CDHR2: variants seen among roughly 807,000 people sequenced by gnomAD.
CDHR2 encodes the protein cadherin-related family member 2.
In CDHR2, 104 loss-of-function variants were observed where a neutral mutation model predicts 138.6. The observed-to-expected ratio is 0.75, with a 90% CI of 0.64 to 0.88. CDHR2 has a LOEUF of 0.88. Among genes scored for constraint, CDHR2 ranks in the 40% least tolerant of loss-of-function variants. CDHR2 has a pLI of 0.00. For missense variants in CDHR2, 1,624 were observed against 1,727.6 expected (o/e 0.94, Z 1.06); for synonymous variants, 755 against 742.8 (o/e 1.02, Z -0.27).
rs1229955737 is a variant in CDHR2 at position 176,576,067 on chromosome 5, C to T, written c.1076C>T (p.Pro359Leu). ...HKPEFYNCSL[P>L]ACTFTPEEAQ... ...CCTGAGTTTTACAACTGCAGCCTCC[C>T]AGCCTGCACCTTCACCCCCGAAGAG... The change falls in exon 12 of 32, where the codon CCA (proline) becomes CTA (leucine). Residue 359 changes from proline to leucine, a missense_variant. Physicochemically the swap from Pro to Leu is moderately conservative, Grantham distance 98. Coordinates refer to ENST00000261944, the MANE Select transcript of CDHR2 (RefSeq NM_017675.6). This position sits in a 1 kb window ranked among gnomAD's most constrained non-coding sequence, Gnocchi z 4.5. The T allele has an allele frequency of 3.7e-6, 6 of 1,613,874 alleles. No homozygotes were observed. In the African/African-American group the frequency reaches 5.3e-5, roughly 14 times the overall value.
In CDHR2 at chr5:176,571,526, A is replaced by G. The variant is rs146185260; in HGVS notation, c.405+224A>G. Among the ~76,000 whole-genome samples the G allele has an allele frequency of 2.0e-3, 309 of 152,028 alleles. 1 individual carries two copies. The highest frequency in any genetic ancestry group is 7.0e-3 in the African/African-American group (290 of 41,488). On this transcript the variant is annotated intron_variant, in intron 6 of 31. Coordinates refer to ENST00000261944, the MANE Select transcript of CDHR2 (RefSeq NM_017675.6). Reference sequence around the variant, plus strand: ...GAATTCTTTCAGTGATGAAAGCAAAAAAAAAAAAGGGAGTTGATTTTTTTT... The same window carrying G: ...GAATTCTTTCAGTGATGAAAGCAAAGAAAAAAAAGGGAGTTGATTTTTTTT...
At chr5:176,577,289 A>G in intron 12 of CDHR2, 110 bp from the exon 13 acceptor site, 3 of 1,211,082 alleles carry the variant, frequency 2.5e-6, no homozygotes, top group Non-Finnish European at 3.5e-6. Context: ...GCCCCCTTCC[A>G]TGGGACCTCA....
chr5:176,559,017 C>T (rs1757906756), intron 1 of CDHR2, among the ~76,000 whole-genome samples: 1 of 152,330 alleles, frequency 6.6e-6, no homozygotes, highest in Non-Finnish European at 1.5e-5. Context: ...ACTGGCTAGA[C>T]ATCTTGCTCT....
intron 3 of CDHR2, chr5:176,567,226 T>G (rs1349177548): frequency 1.9e-5 from 6 of 320,352 alleles, no homozygotes; most frequent in Non-Finnish European, 3.7e-5. Context: ...TGGAGTGTAG[T>G]GGTGCGATCA....
chr5:176,578,796 T>C (rs1241828104), intron 16 of CDHR2, among the ~76,000 whole-genome samples, 188 bp downstream of exon 16: 1 of 152,170 alleles, frequency 6.6e-6, no homozygotes, highest in Non-Finnish European at 1.5e-5. Flanking sequence ...GGGGAATAAT[T>C]TAATGACTTG....
At chr5:176,561,812 G>A (rs1394089284) in intron 1 of CDHR2, among the ~76,000 whole-genome samples, 1 of 152,028 alleles carries the variant, frequency 6.6e-6, no homozygotes, top group Non-Finnish European at 1.5e-5. Context: ...GCTAATTTTT[G>A]TATTTTTAGT....
intron 31 of CDHR2, among the ~76,000 whole-genome samples, chr5:176,594,772 G>A (rs1372009660): frequency 6.6e-6 from 1 of 152,184 alleles, no homozygotes; most frequent in Admixed American, 6.5e-5. Context: ...TGGTGGCCGG[G>A]GCTCTGGCCC....
intron 1 of CDHR2, among the ~76,000 whole-genome samples, chr5:176,556,154 G>A (rs1457514899): frequency 6.6e-6 from 1 of 152,082 alleles, no homozygotes. Flanking sequence ...TGCTACTTGG[G>A]ACTCCCGCAT....
chr5:176,576,328 C>A lies in CDHR2; in HGVS notation c.1194+143C>A. 1.5e-6 allele frequency: 1 copy of A among 675,362 alleles called. No individual in the cohort carries two copies. The highest frequency in any genetic ancestry group is 2.6e-6 in the Non-Finnish European group (1 of 390,982). The allele number at this position is 675,362 out of a possible 1,614,324, so 41.8% of individuals were successfully genotyped here. The stretch of plus-strand genomic sequence containing the variant: ...GCGGAGAATGGGGGTGCTGGGTGCT[C>A]TCTGGAAGCCTGTGTTGGTAAGCAG... On this transcript the variant is annotated intron_variant, in intron 12 of 31. Transcript: ENST00000261944. The surrounding 1 kb of genome is among the most constrained non-coding windows in gnomAD (Gnocchi z 4.5).
chr5:176,579,989 C>T (rs574182552), intron 16 of CDHR2, among the ~76,000 whole-genome samples: 3 of 152,232 alleles, frequency 2.0e-5, no homozygotes, highest in Non-Finnish European at 2.9e-5. Flanking sequence ...TGGGAGGCAT[C>T]GGGGTGAGGG....
Position 176,576,635 on chromosome 5 carries a change from G to A in CDHR2, c.1194+450G>A, listed in dbSNP as rs1758389568. Among the ~76,000 whole-genome samples the A allele has an allele frequency of 6.6e-6, 1 of 151,002 alleles. No individual in the cohort carries two copies. The highest frequency in any genetic ancestry group is 2.4e-5 in the African/African-American group (1 of 41,022). On this transcript the variant is annotated intron_variant, in intron 12 of 31. Transcript: ENST00000261944. This position sits in a 1 kb window ranked among gnomAD's most constrained non-coding sequence, Gnocchi z 4.5. The stretch of plus-strand genomic sequence containing the variant: ...TCTGTCACCCAGGCTGGAGTGCAAT[G>A]GCCCAATCTTGGCCCACTGCAACCT...
chr5:176,579,957 C>T (rs1758487165), intron 16 of CDHR2, among the ~76,000 whole-genome samples: 1 of 152,184 alleles, frequency 6.6e-6, no homozygotes, highest in South Asian at 2.1e-4. Context: ...CCAACCTGGC[C>T]TGGAGTCAGG....
chr5:176,548,786 G>A (rs1456617672), upstream of CDHR2, among the ~76,000 whole-genome samples: 1 of 152,070 alleles, frequency 6.6e-6, no homozygotes, highest in Non-Finnish European at 1.5e-5. Flanking sequence ...CTTGGGAGTG[G>A]ATGAAGCCCC....
At chr5:176,570,335 AC>A (rs1758195326) in intron 5 of CDHR2, among the ~76,000 whole-genome samples, 1 of 152,162 alleles carries the variant, frequency 6.6e-6, no homozygotes, top group African/African-American at 2.4e-5. Context: ...TAGGACAGGC[AC>A]TTTTTTCCAA....
intron 20 of CDHR2, chr5:176,586,534 G>A: frequency 3.8e-6 from 2 of 528,334 alleles, no homozygotes; most frequent in Middle Eastern, 5.0e-4. Flanking sequence ...CCGACCTAAT[G>A]TCTGGCCCTG....
rs764728036 is a variant in CDHR2, at chr5:176,589,191, G to C, written c.3008+9G>C. On this transcript the variant is annotated intron_variant, in intron 22 of 31. Coordinates refer to ENST00000261944, the MANE Select transcript of CDHR2 (RefSeq NM_017675.6). Reference sequence around the variant, plus strand: ...TTCGCTGGGAGCATTCAGTAACTGCGGGCGGCCCCGGGAGGGAGGTTGCGG... The same window carrying C: ...TTCGCTGGGAGCATTCAGTAACTGCCGGCGGCCCCGGGAGGGAGGTTGCGG... 3.1e-6 allele frequency: 5 copies of C among 1,613,792 alleles called. No individual in the cohort carries two copies. Among genetic ancestry groups the C allele is most frequent in the Non-Finnish European group, 3.4e-6 (4 of 1,179,854 alleles).
At chr5:176,588,724 T>TGAGAGA (rs10665839) in intron 21 of CDHR2, among the ~76,000 whole-genome samples, 2 of 147,570 alleles carry the variant, frequency 1.4e-5, no homozygotes, top group South Asian at 4.3e-4. Context: ...TGTGTGTGTG[T>TGAGAGA]GAGAGAGAGA....
At chr5:176,551,870 A>AT (rs11312647) in intron 1 of CDHR2, among the ~76,000 whole-genome samples, 12 of 97,284 alleles carry the variant, frequency 1.2e-4, no homozygotes, top group African/African-American at 3.3e-4. Context: ...CCTGGCTAAT[A>AT]TTTTTTTTTT....
chr5:176,594,335 C>T (rs1240609189), intron 31 of CDHR2, among the ~76,000 whole-genome samples: 1 of 152,184 alleles, frequency 6.6e-6, no homozygotes, highest in Non-Finnish European at 1.5e-5. Context: ...CTGTCTGCCC[C>T]CTGCTCTCCC....
Sources: allele counts gnomAD v4.1 joint callset (sites outside exome capture counted in the v4.1 genomes callset), GRCh38; gene constraint gnomAD v4.1.1; non-coding constraint Gnocchi (gnomAD v3.1); transcripts MANE v1.5; gene names NCBI Gene and HGNC (gene_info 2026-07-23, HGNC 2026-07-21).